Variants in CCDC171 observed in about 807,000 individuals in gnomAD.
The protein encoded by CCDC171 is coiled-coil domain-containing protein 171.
A neutral mutation model predicts 168.2 loss-of-function variants in CCDC171; 177 were observed. That is an observed-to-expected ratio of 1.05 (90% CI 0.93 to 1.19). The LOEUF (loss-of-function observed/expected upper bound fraction) is 1.19. CCDC171 is among the 50% of genes most tolerant of loss of function. The probability of loss-of-function intolerance (pLI) is 0.00; values close to 1 mark genes in which losing one functional copy is unlikely to be tolerated. For synonymous variants in CCDC171, 687 were observed against 540.8 expected (o/e 1.27, Z -3.75); for missense variants, 1,991 against 1,539.0 (o/e 1.29, Z -4.91).
chr9:15,801,774 A>T (rs1299150309), intron 21 of CCDC171, among the ~76,000 whole-genome samples: 1 of 152,048 alleles, frequency 6.6e-6, no homozygotes, highest in Non-Finnish European at 1.5e-5. Context: ...GGCTTTTATT[A>T]TGTTGATGTA....
chr9:15,872,001 C>G (rs2062059020), intron 23 of CCDC171, among the ~76,000 whole-genome samples: 1 of 151,950 alleles, frequency 6.6e-6, no homozygotes, highest in South Asian at 2.1e-4. Flanking sequence ...GATACTTACT[C>G]TCAAAGTTCT....
At chr9:16,029,544 A>G (rs1303125606) in intron 6 of CCDC171, among the ~76,000 whole-genome samples, 3 of 152,224 alleles carry the variant, frequency 2.0e-5, no homozygotes, top group African/African-American at 7.2e-5. Context: ...TAGGGGCAGT[A>G]GGAGTGCTCT....
intron 14 of CCDC171, 86 bp from the exon 15 acceptor site, chr9:15,727,783 A>G: frequency 9.8e-7 from 1 of 1,018,788 alleles, no homozygotes; most frequent in Non-Finnish European, 1.3e-6. Flanking sequence ...GGTTTTTTAA[A>G]TTAACTCTTC....
At chr9:16,053,249 C>T (rs1354812530) in intron 1 of CCDC171, among the ~76,000 whole-genome samples, 1 of 152,264 alleles carries the variant, frequency 6.6e-6, no homozygotes, top group African/African-American at 2.4e-5. Flanking sequence ...GGTCAACCAT[C>T]AGCTTGAGCG....
At chr9:15,933,316 C>G (rs1826740443) in intron 25 of CCDC171, among the ~76,000 whole-genome samples, 2 of 151,770 alleles carry the variant, frequency 1.3e-5, no homozygotes, top group Non-Finnish European at 2.9e-5. Flanking sequence ...GTAATTTAAT[C>G]TTGGAAGGTT....
chr9:15,633,854 A>G (rs2045968424), intron 7 of CCDC171, among the ~76,000 whole-genome samples: 1 of 152,246 alleles, frequency 6.6e-6, no homozygotes, highest in Admixed American at 6.5e-5. Context: ...ATAAAAAATG[A>G]TGAGTTCATG....
At chr9:15,914,957 C>T (rs918352852) in intron 24 of CCDC171, among the ~76,000 whole-genome samples, 2 of 152,126 alleles carry the variant, frequency 1.3e-5, no homozygotes, top group Non-Finnish European at 2.9e-5. Context: ...TGCTTCTGCT[C>T]ACCCTCTGTG....
intron 11 of CCDC171, among the ~76,000 whole-genome samples, chr9:15,699,384 A>G (rs1307353818): frequency 6.6e-6 from 1 of 152,006 alleles, no homozygotes; most frequent in Non-Finnish European, 1.5e-5. Context: ...TATTGCAAAG[A>G]GTGAAAGAAC....
intron 24 of CCDC171, among the ~76,000 whole-genome samples, chr9:15,896,839 C>T (rs1820975955): frequency 6.6e-6 from 1 of 152,026 alleles, no homozygotes; most frequent in Admixed American, 6.6e-5. Flanking sequence ...TGTATATGTA[C>T]ACAAACCCTA....
At chr9:15,662,231 C>T (rs2048372513) in intron 8 of CCDC171, among the ~76,000 whole-genome samples, 1 of 152,144 alleles carries the variant, frequency 6.6e-6, no homozygotes, top group East Asian at 1.9e-4. Flanking sequence ...GAGCCGAGAT[C>T]GTGCCACTGC....
intron 24 of CCDC171, among the ~76,000 whole-genome samples, chr9:15,905,899 A>T (rs1334608050): frequency 1.3e-5 from 2 of 152,252 alleles, no homozygotes; most frequent in Non-Finnish European, 2.9e-5. Context: ...GAACACCTCT[A>T]CGCAAATAAA....
chr9:15,591,997 T>C (rs2042040167), intron 5 of CCDC171, among the ~76,000 whole-genome samples: 1 of 152,132 alleles, frequency 6.6e-6, no homozygotes, highest in Non-Finnish European at 1.5e-5. Flanking sequence ...TGTAACATAT[T>C]TAACTTCTCC....
chr9:15,622,907 G>T (rs1364923029), intron 6 of CCDC171, among the ~76,000 whole-genome samples: 1 of 152,038 alleles, frequency 6.6e-6, no homozygotes, highest in Non-Finnish European at 1.5e-5. Flanking sequence ...TATAAAAAGG[G>T]CAATATACAT....
chr9:15,627,768 G>A (rs975088440), intron 7 of CCDC171, among the ~76,000 whole-genome samples: 1 of 152,204 alleles, frequency 6.6e-6, no homozygotes, highest in South Asian at 2.1e-4. Flanking sequence ...TAAGTGTGAT[G>A]TGGTGCTGAG....
Position 15,672,724 on chromosome 9 carries a change from A to G in CCDC171, c.1077-6034A>G, listed in dbSNP as rs532576009. Among the ~76,000 whole-genome samples, 4 of 152,260 alleles carry G rather than the reference A, an allele frequency of 2.6e-5. No individual in the cohort carries two copies. In the East Asian group the frequency reaches 5.8e-4, roughly 22 times the overall value. ...CATTGGTCTATATATCTGTTTTGGT[A>G]CCAGTACCATGCTGTTTTGGTTATT... is the stretch of plus-strand genomic sequence containing the variant. On this transcript the variant is annotated intron_variant, in intron 9 of 25. Transcript: ENST00000380701.
chr9:15,591,602 C>T (rs372017796), intron 5 of CCDC171, 46 bp downstream of exon 5: 9 of 1,065,150 alleles, frequency 8.4e-6, no homozygotes, highest in East Asian at 2.4e-5. Flanking sequence ...TAATATTCAC[C>T]GAGATGTGTT....
At chr9:15,904,091 G>T (rs1822133845) in intron 24 of CCDC171, among the ~76,000 whole-genome samples, 2 of 152,134 alleles carry the variant, frequency 1.3e-5, no homozygotes, top group African/African-American at 2.4e-5. Context: ...AACCAAGTTG[G>T]AAAACACTCT....
At chr9:15,949,451 T>G (rs957723296) in intron 25 of CCDC171, among the ~76,000 whole-genome samples, 15 of 152,360 alleles carry the variant, frequency 9.8e-5, no homozygotes, top group African/African-American at 3.6e-4. Flanking sequence ...TTCCTACACA[T>G]GAGCATGGAA....
chr9:16,097,951 C>G, the CCDC171 span, among the ~76,000 whole-genome samples: 97 of 152,300 alleles, frequency 6.4e-4, no homozygotes, highest in Admixed American at 2.6e-3. Flanking sequence ...TGGTACCAGT[C>G]AGCTTCATGT....
Sources: gnomAD v4.1 joint callset for allele counts (sites outside exome capture counted in the v4.1 genomes callset) on GRCh38, gnomAD v4.1.1 for gene constraint, MANE v1.5 for transcripts, NCBI Gene and HGNC (gene_info 2026-07-23, HGNC 2026-07-21) for gene names.